HDAC4: variants seen among roughly 807,000 people sequenced by gnomAD.
HDAC4 encodes histone deacetylase A.
A neutral mutation model predicts 135.1 loss-of-function variants in HDAC4; 16 were observed. That is an observed-to-expected ratio of 0.12 (90% CI 0.08 to 0.18). HDAC4 has a LOEUF of 0.18. Ranked by LOEUF, HDAC4 falls within the 10% of genes least tolerant of loss-of-function variation. The pLI is 1.00. For missense variants in HDAC4, 1,143 were observed against 1,511.8 expected (o/e 0.76, Z 4.05); for synonymous variants, 685 against 653.4 (o/e 1.05, Z -0.74).
intron 1 of HDAC4, among the ~76,000 whole-genome samples, chr2:239,368,214 C>T (rs1280251409): frequency 6.6e-6 from 1 of 152,096 alleles, no homozygotes; most frequent in Admixed American, 6.6e-5. Flanking sequence ...AGTTTGAGAA[C>T]CGTGGCTCTG....
At chr2:239,124,335 CGAGTCTGTGTCCTGTCTCTGT>C (rs1471488419) in intron 12 of HDAC4, among the ~76,000 whole-genome samples, 1 of 152,152 alleles carries the variant, frequency 6.6e-6, no homozygotes, top group Non-Finnish European at 1.5e-5. Flanking sequence ...CTGGCTCCCA[CGAGTCTGTGTCCTGTCTCTGT>C]GAGTCTGTCT....
At chr2:239,121,221 T>C (rs1306636465) in intron 12 of HDAC4, among the ~76,000 whole-genome samples, 1 of 152,190 alleles carries the variant, frequency 6.6e-6, no homozygotes, top group Non-Finnish European at 1.5e-5. Context: ...CCTCCCAGAG[T>C]GCTGGGATTA....
intron 2 of HDAC4, among the ~76,000 whole-genome samples, chr2:239,327,083 C>T (rs1439986997): frequency 2.0e-5 from 3 of 152,238 alleles, no homozygotes; most frequent in Non-Finnish European, 4.4e-5. Context: ...CAACTGCCTT[C>T]GCTGAACAAA....
chr2:239,061,010 A>G (rs2032614514), intron 24 of HDAC4, among the ~76,000 whole-genome samples: 1 of 152,268 alleles, frequency 6.6e-6, no homozygotes, highest in Non-Finnish European at 1.5e-5. Flanking sequence ...AAAGTCGGCC[A>G]GGAAGGCTTT....
At chr2:239,208,342 A>G (rs1428312625) in intron 3 of HDAC4, among the ~76,000 whole-genome samples, 3 of 150,084 alleles carry the variant, frequency 2.0e-5, no homozygotes, top group Non-Finnish European at 3.0e-5. Flanking sequence ...AAAAAAAAAA[A>G]AAAAAAAAAG....
chr2:239,379,454 C>A (rs1232634725), intron 1 of HDAC4, among the ~76,000 whole-genome samples: 1 of 152,172 alleles, frequency 6.6e-6, no homozygotes, highest in Non-Finnish European at 1.5e-5. Flanking sequence ...ACCCTCCAGT[C>A]CCTCAAGCAC....
chr2:239,364,032 A>G (rs1023997991), intron 1 of HDAC4, among the ~76,000 whole-genome samples: 1 of 152,220 alleles, frequency 6.6e-6, no homozygotes, highest in South Asian at 2.1e-4. Context: ...CATACCCACC[A>G]AAATGGCTAA....
chr2:239,108,453 C>A (rs1026516160), intron 14 of HDAC4, among the ~76,000 whole-genome samples: 10 of 152,168 alleles, frequency 6.6e-5, no homozygotes, highest in Non-Finnish European at 1.2e-4. Context: ...CAGGGACGTG[C>A]GCAGCTGCCC....
chr2:239,117,836 C>T (rs1391140430), intron 12 of HDAC4, among the ~76,000 whole-genome samples: 5 of 152,142 alleles, frequency 3.3e-5, no homozygotes, highest in African/African-American at 7.2e-5. Context: ...AGCTACAGCG[C>T]GTGGAGGATG....
chr2:239,098,026 A>C (rs2037273739), intron 16 of HDAC4, among the ~76,000 whole-genome samples: 2 of 152,246 alleles, frequency 1.3e-5, no homozygotes, highest in East Asian at 1.9e-4. Flanking sequence ...TATCTGCAAG[A>C]GACTGAATCT....
At chr2:239,373,083 G>C (rs768166745) in intron 1 of HDAC4, among the ~76,000 whole-genome samples, 48 of 152,022 alleles carry the variant, frequency 3.2e-4, no homozygotes, top group Admixed American at 7.2e-4. Flanking sequence ...CACGTCCTGG[G>C]GTCTGTGGCC....
chr2:239,250,059 T>A (rs1353833101), intron 2 of HDAC4, among the ~76,000 whole-genome samples: 1 of 152,184 alleles, frequency 6.6e-6, no homozygotes, highest in South Asian at 2.1e-4. Context: ...CAGCGCAGCA[T>A]CCTCCGTGAT....
chr2:239,380,325 C>T (rs1047608859), intron 1 of HDAC4, among the ~76,000 whole-genome samples: 3 of 132,686 alleles, frequency 2.3e-5, no homozygotes, highest in African/African-American at 8.4e-5. Flanking sequence ...ATTTAATGTA[C>T]ATTTACATTA....
intron 3 of HDAC4, among the ~76,000 whole-genome samples, chr2:239,220,943 G>A (rs570310977): frequency 6.6e-6 from 1 of 152,094 alleles, no homozygotes; most frequent in Non-Finnish European, 1.5e-5. Flanking sequence ...AAAAGCCAGG[G>A]ACCGACCTTG....
rs983550954 is a variant in HDAC4 at position 239,103,965 on chromosome 2, G to A, written c.2113-1069C>T. On this transcript the variant is annotated intron_variant, in intron 15 of 26. Transcript: ENST00000543185. ...GCAGGTGCGCTGGGCAGGGACGGAT[G>A]CTCTGCGGGTTCTCTTCTCATGAAC... 1.9e-4 allele frequency among the ~76,000 whole-genome samples: 29 copies of A among 152,274 alleles called. 1 individual carries two copies. The highest frequency in any genetic ancestry group is 6.5e-5 in the Admixed American group (1 of 15,294).
chr2:239,319,043 G>A (rs937600523), intron 2 of HDAC4, among the ~76,000 whole-genome samples: 1 of 152,192 alleles, frequency 6.6e-6, no homozygotes, highest in African/African-American at 2.4e-5. Context: ...TGTCTTCTGT[G>A]AGGGATCATT....
chr2:239,229,329 C>T (rs1196277903), intron 3 of HDAC4, among the ~76,000 whole-genome samples: 1 of 152,132 alleles, frequency 6.6e-6, no homozygotes, highest in Non-Finnish European at 1.5e-5. Context: ...GGGGCAGACT[C>T]CTGCGTCTGG....
intron 6 of HDAC4, among the ~76,000 whole-genome samples, chr2:239,161,020 T>A (rs2042759286): frequency 6.6e-6 from 1 of 152,244 alleles, no homozygotes; most frequent in Admixed American, 6.5e-5. Context: ...GCAGTTTTGA[T>A]TTGCATTTAC....
At chr2:239,189,618 C>T (rs1020161770) in intron 4 of HDAC4, among the ~76,000 whole-genome samples, 1 of 152,216 alleles carries the variant, frequency 6.6e-6, no homozygotes, top group African/African-American at 2.4e-5. Context: ...TGACTTTGGA[C>T]CGCCGTTCCC....
Sources: allele counts gnomAD v4.1 joint callset (sites outside exome capture counted in the v4.1 genomes callset), GRCh38; gene constraint gnomAD v4.1.1; transcripts MANE v1.5; gene names NCBI Gene and HGNC (gene_info 2026-07-23, HGNC 2026-07-21).